The following SATB2 variants were observed in gnomAD, a reference collection of about 807,000 sequenced individuals.
SATB2 encodes the protein DNA-binding protein SATB2.
Under a neutral mutation model 73.4 loss-of-function variants are expected in SATB2, and 1 was observed. The ratio of observed to expected loss-of-function variants is 0.01; its 90% CI spans 0.00 to 0.06. The LOEUF (loss-of-function observed/expected upper bound fraction) is 0.06. Ranked by LOEUF, SATB2 falls within the 10% of genes least tolerant of loss-of-function variation. The pLI is 1.00. For synonymous variants in SATB2, 397 were observed against 367.0 expected, an observed-to-expected ratio of 1.08 and a Z score of -0.93; for missense variants, 459 against 945.8, an observed-to-expected ratio of 0.49 and a Z score of 6.75.
chr2:199,458,247 G>A, upstream of SATB2: 1 of 227,216 alleles, frequency 4.4e-6, no homozygotes, highest in South Asian at 4.1e-5. Flanking sequence ...GGGGGGCCCC[G>A]CCTGGCAGGA....
chr2:199,313,408 T>C (rs1687646995), intron 9 of SATB2, among the ~76,000 whole-genome samples: 2 of 152,200 alleles, frequency 1.3e-5, no homozygotes, highest in Non-Finnish European at 2.9e-5. Flanking sequence ...TATTAATAAG[T>C]TCAAAGACTG....
chr2:199,355,342 G>GTATATATA (rs1249092587), intron 6 of SATB2, among the ~76,000 whole-genome samples: 3 of 5,420 alleles, frequency 5.5e-4, no homozygotes, highest in Non-Finnish European at 0.011. Flanking sequence ...GTGTGTGTGT[G>GTATATATA]TGTATCTATA....
intron 3 of SATB2, among the ~76,000 whole-genome samples, chr2:199,408,652 C>A (rs948882899): frequency 3.6e-5 from 5 of 139,348 alleles, no homozygotes; most frequent in African/African-American, 5.4e-5. Context: ...CAAATGTATA[C>A]AAAGACTCCT....
intron 10 of SATB2, among the ~76,000 whole-genome samples, chr2:199,306,278 A>G (rs1687430010): frequency 6.6e-6 from 1 of 152,190 alleles, no homozygotes; most frequent in African/African-American, 2.4e-5. Flanking sequence ...ACTGTAATAA[A>G]CAATCCACAG....
chr2:199,442,651 G>A (rs1691852711), intron 2 of SATB2, among the ~76,000 whole-genome samples: 1 of 152,184 alleles, frequency 6.6e-6, no homozygotes, highest in Admixed American at 6.5e-5. Flanking sequence ...GAAGGCTGAA[G>A]TGGAAGGATC....
chr2:199,443,955 T>C (rs1691893587), intron 2 of SATB2, among the ~76,000 whole-genome samples: 1 of 152,156 alleles, frequency 6.6e-6, no homozygotes, highest in African/African-American at 2.4e-5. Flanking sequence ...TCAGATCAAG[T>C]TAATAAAACC....
At chr2:199,279,088 T>C (rs1348091967) in intron 10 of SATB2, among the ~76,000 whole-genome samples, 1 of 152,176 alleles carries the variant, frequency 6.6e-6, no homozygotes, top group Non-Finnish European at 1.5e-5. Flanking sequence ...TGCTGTAATC[T>C]CTCTGGGCTG....
At chr2:199,409,655 T>G (rs1690752530) in intron 3 of SATB2, among the ~76,000 whole-genome samples, 1 of 137,622 alleles carries the variant, frequency 7.3e-6, no homozygotes, top group African/African-American at 2.6e-5. Context: ...GACAAGTTTT[T>G]TTTGTTTTTT....
intron 3 of SATB2, among the ~76,000 whole-genome samples, chr2:199,388,065 T>C (rs973747760): frequency 2.0e-5 from 3 of 152,208 alleles, no homozygotes; most frequent in Non-Finnish European, 4.4e-5. Flanking sequence ...AAAAGAGTGG[T>C]GATAATACAC....
intron 7 of SATB2, chr2:199,347,802 C>G (rs1237501346): frequency 6.6e-6 from 1 of 152,138 alleles, no homozygotes; most frequent in African/African-American, 2.4e-5. Context: ...TCGTTAGCTC[C>G]CCGAGATTAT....
intron 10 of SATB2, among the ~76,000 whole-genome samples, chr2:199,304,923 A>G (rs1353557502): frequency 6.6e-6 from 1 of 152,214 alleles, no homozygotes. Context: ...GTTCAGGCCC[A>G]GCGTGGTCTC....
intron 6 of SATB2, among the ~76,000 whole-genome samples, chr2:199,361,384 C>T (rs1300508717): frequency 6.6e-6 from 1 of 151,918 alleles, no homozygotes; most frequent in Non-Finnish European, 1.5e-5. Context: ...GCATTGGTGG[C>T]TTCCTGTCTT....
intron 7 of SATB2, among the ~76,000 whole-genome samples, chr2:199,336,402 T>C (rs992239778): frequency 1.3e-5 from 2 of 152,168 alleles, no homozygotes; most frequent in Non-Finnish European, 2.9e-5. Flanking sequence ...AAAACAACTG[T>C]TGGCAACCTG....
intron 3 of SATB2, among the ~76,000 whole-genome samples, chr2:199,428,902 A>G (rs940744118): frequency 6.6e-6 from 1 of 151,626 alleles, no homozygotes; most frequent in African/African-American, 2.4e-5. Flanking sequence ...GCTACTCAGG[A>G]GGCTGAGGCA....
intron 3 of SATB2, among the ~76,000 whole-genome samples, chr2:199,427,567 A>T (rs2105921477): frequency 6.6e-6 from 1 of 152,250 alleles, no homozygotes; most frequent in South Asian, 2.1e-4. Context: ...TTATGGATAA[A>T]ATATAATATC....
intron 3 of SATB2, among the ~76,000 whole-genome samples, chr2:199,422,978 T>C (rs1691217206): frequency 6.6e-6 from 1 of 152,126 alleles, no homozygotes; most frequent in Non-Finnish European, 1.5e-5. Context: ...TAAGTAAATT[T>C]TTCAGATAAT....
chr2:199,349,659 T>C (rs1443182297), intron 6 of SATB2, among the ~76,000 whole-genome samples: 1 of 152,222 alleles, frequency 6.6e-6, no homozygotes, highest in Non-Finnish European at 1.5e-5. Flanking sequence ...ATGGAAATGT[T>C]CATTTAAAAA....
chr2:199,279,568 T>C (rs1223553638), intron 10 of SATB2, among the ~76,000 whole-genome samples: 1 of 152,198 alleles, frequency 6.6e-6, no homozygotes, highest in East Asian at 1.9e-4. Context: ...GAGGTGACTG[T>C]ATAAGGTGGT....
At chr2:199,358,506 C>T (rs948543899) in intron 6 of SATB2, among the ~76,000 whole-genome samples, 2 of 152,194 alleles carry the variant, frequency 1.3e-5, no homozygotes, top group Admixed American at 6.5e-5. Flanking sequence ...TGCCACCAAA[C>T]CCAAAGATTT....
Sources: allele counts gnomAD v4.1 joint callset (sites outside exome capture counted in the v4.1 genomes callset), GRCh38; gene constraint gnomAD v4.1.1; transcripts MANE v1.5; gene names NCBI Gene and HGNC (gene_info 2026-07-23, HGNC 2026-07-21).